The following ARHGAP20 variants were observed in gnomAD, a reference collection of about 807,000 sequenced individuals.
ARHGAP20 encodes rho GTPase-activating protein 20.
A neutral mutation model predicts 73.7 loss-of-function variants in ARHGAP20; 34 were observed. That is an observed-to-expected ratio of 0.46 (90% CI 0.35 to 0.61). The LOEUF is 0.61. Among genes scored for constraint, ARHGAP20 ranks in the 20% least tolerant of loss-of-function variants. The pLI is 0.00. For missense variants in ARHGAP20, 1,314 were observed against 1,420.9 expected, an observed-to-expected ratio of 0.92 and a Z score of 1.21; for synonymous variants, 523 against 518.2, an observed-to-expected ratio of 1.01 and a Z score of -0.13.
chr11:110,702,489 CCT>C (rs1425702941), intron 1 of ARHGAP20, among the ~76,000 whole-genome samples: 1 of 152,068 alleles, frequency 6.6e-6, no homozygotes, highest in African/African-American at 2.4e-5. Flanking sequence ...ACAGGGATGC[CCT>C]CTCTCACCAT....
In ARHGAP20 at chr11:110,667,542, G is replaced by A. The variant is rs1207715240; in HGVS notation, c.188+23005C>T. ...TGATGGAAATGTACAAGGAGATGAAGGTTGTTTTCATGCTGGCTAACAAAA... is the reference window on the plus strand; with the variant it reads ...TGATGGAAATGTACAAGGAGATGAAAGTTGTTTTCATGCTGGCTAACAAAA... On this transcript the variant is annotated intron_variant, in intron 2 of 14. Coordinates refer to ENST00000683387, the MANE Select transcript of ARHGAP20 (RefSeq NM_001384657.1). Among the ~76,000 whole-genome samples, 5 of 152,124 alleles carry A rather than the reference G, an allele frequency of 3.3e-5. No homozygotes were observed. In the East Asian group the frequency reaches 9.6e-4, roughly 29 times the overall value.
chr11:110,584,026 C>A (rs1021713449), intron 12 of ARHGAP20, among the ~76,000 whole-genome samples: 2 of 152,058 alleles, frequency 1.3e-5, no homozygotes, highest in Non-Finnish European at 2.9e-5. Flanking sequence ...AAATATTTCC[C>A]TGAAACTAGC....
At position 110,606,711 on chromosome 11, in the gene ARHGAP20, G is replaced by A; in HGVS notation, c.814C>T (p.Arg272Ter). 1 of 1,582,190 alleles carries A rather than the reference G, an allele frequency of 6.3e-7. No homozygotes were observed. The highest frequency in any genetic ancestry group is 8.6e-7 in the Non-Finnish European group (1 of 1,167,840). The change falls in exon 9 of 15, where the codon CGA becomes TGA. Residue 272 changes from arginine (R) to a stop codon, truncating the protein, a stop_gained. Coordinates refer to ENST00000683387, the MANE Select transcript of ARHGAP20 (RefSeq NM_001384657.1). LOFTEE classifies it high-confidence loss of function. ...YPYGIKMSHL[R>*]DSALLTPGSK... ...CCCGGTGTCAGGAGTGCAGAGTCTC[G>A]AAGATGGCTCATTTTAATTCCATAT...
At chr11:110,584,626 T>C (rs1207997735) in intron 12 of ARHGAP20, among the ~76,000 whole-genome samples, 1 of 152,014 alleles carries the variant, frequency 6.6e-6, no homozygotes, top group Non-Finnish European at 1.5e-5. Context: ...GCATAAGCTT[T>C]TGGGTTTTCT....
At chr11:110,584,178 A>G (rs961957236) in intron 12 of ARHGAP20, among the ~76,000 whole-genome samples, 4 of 152,226 alleles carry the variant, frequency 2.6e-5, no homozygotes, top group Non-Finnish European at 4.4e-5. Flanking sequence ...CTTGGTAAGA[A>G]CCCAAACCTT....
At chr11:110,669,251 A>C (rs1591160305) in intron 2 of ARHGAP20, among the ~76,000 whole-genome samples, 1 of 152,184 alleles carries the variant, frequency 6.6e-6, no homozygotes, top group African/African-American at 2.4e-5. Flanking sequence ...CTGCCAGTAG[A>C]ATTTTCTGAA....
At chr11:110,613,147 T>C (rs1358472725) in intron 6 of ARHGAP20, among the ~76,000 whole-genome samples, 3 of 152,234 alleles carry the variant, frequency 2.0e-5, no homozygotes, top group Admixed American at 6.5e-5. Context: ...ATAGAAAGTA[T>C]ATTTTTTCCT....
intron 2 of ARHGAP20, among the ~76,000 whole-genome samples, chr11:110,657,196 C>A (rs532606080): frequency 6.6e-6 from 1 of 151,862 alleles, no homozygotes; most frequent in Non-Finnish European, 1.5e-5. Flanking sequence ...TTTTCTCAAT[C>A]CTTGGTCCTT....
At chr11:110,582,907 C>T (rs775811580) in intron 13 of ARHGAP20, among the ~76,000 whole-genome samples, 8 of 152,160 alleles carry the variant, frequency 5.3e-5, no homozygotes, top group Non-Finnish European at 8.8e-5. Context: ...ACAGGTCTAT[C>T]CATGTACTGC....
intron 2 of ARHGAP20, among the ~76,000 whole-genome samples, chr11:110,688,846 T>C (rs1950185809): frequency 6.6e-6 from 1 of 152,276 alleles, no homozygotes; most frequent in African/African-American, 2.4e-5. Flanking sequence ...CTAAAGTGTA[T>C]GTCTTCTGGG....
chr11:110,596,999 G>C (rs1257520423), intron 9 of ARHGAP20, among the ~76,000 whole-genome samples: 2 of 152,108 alleles, frequency 1.3e-5, no homozygotes, highest in African/African-American at 4.8e-5. Flanking sequence ...TAGGGACATG[G>C]ATGAAACTGG....
intron 6 of ARHGAP20, among the ~76,000 whole-genome samples, chr11:110,613,415 A>G (rs984236682): frequency 1.3e-5 from 2 of 152,220 alleles, no homozygotes; most frequent in African/African-American, 4.8e-5. Context: ...AGCAAAGGAC[A>G]GAGTACGTCA....
rs997407135 is a variant in ARHGAP20, at chr11:110,623,976, G to T, written c.503+186C>A. 1.6e-4 allele frequency among the ~76,000 whole-genome samples: 25 copies of T among 152,162 alleles called. 1 individual carries two copies. The highest frequency in any genetic ancestry group is 4.1e-4 in the South Asian group (2 of 4,822). Reference sequence around the variant, plus strand: ...AAAAGCCCATTGGGAGAAATACATGGCATACAAGTATTTTGGTTGGGTGTA... The same window carrying T: ...AAAAGCCCATTGGGAGAAATACATGTCATACAAGTATTTTGGTTGGGTGTA... On this transcript the variant is annotated intron_variant, in intron 4 of 14. Transcript: ENST00000683387.
intron 2 of ARHGAP20, among the ~76,000 whole-genome samples, chr11:110,651,438 T>A (rs1332162321): frequency 6.6e-6 from 1 of 151,684 alleles, no homozygotes; most frequent in Non-Finnish European, 1.5e-5. Context: ...ATCCAGGAGC[T>A]GTTTTTTTTT....
intron 2 of ARHGAP20, among the ~76,000 whole-genome samples, chr11:110,648,145 GATATATATAAT>G (rs1949238068): frequency 7.4e-6 from 1 of 134,244 alleles, no homozygotes; most frequent in African/African-American, 2.7e-5. Context: ...CTCGGTCAGT[GATATATATAAT>G]ATATATATAT....
rs757378006 is a variant in ARHGAP20 at position 110,590,719 on chromosome 11, C to T, written c.1234G>A (p.Glu412Lys). The T allele has an allele frequency of 6.2e-7, 1 of 1,613,948 alleles. No individual in the cohort carries two copies. The highest frequency in any genetic ancestry group is 8.5e-7 in the Non-Finnish European group (1 of 1,179,998). The change falls in exon 11 of 15, where the codon GAG (glutamate) becomes AAG (lysine). Residue 412 changes from glutamate to lysine, a missense_variant. By Grantham distance (56) the Glu-to-Lys change is moderately conservative. Transcript: ENST00000683387. ...ANVKSCRELKEKLNSGVEVHL... is the reference protein window; with the variant it reads ...ANVKSCRELKKKLNSGVEVHL... The stretch of plus-strand genomic sequence containing the variant: ...ACTTCGACTCCAGAATTCAATTTCT[C>T]TTTTAGTTCTCTGCAGGATTTCACA...
intron 2 of ARHGAP20, among the ~76,000 whole-genome samples, chr11:110,638,782 T>C (rs1949020461): frequency 1.3e-5 from 2 of 151,808 alleles, no homozygotes; most frequent in African/African-American, 4.8e-5. Flanking sequence ...TTCTCACTCA[T>C]AGGTGGGAAC....
intron 3 of ARHGAP20, among the ~76,000 whole-genome samples, chr11:110,625,020 A>ATT (rs1565445251): frequency 2.4e-4 from 30 of 125,156 alleles, no homozygotes; most frequent in African/African-American, 8.1e-4. Flanking sequence ...TTTTTTTTTT[A>ATT]TTTTTATTTT....
chr11:110,711,975 G>A (rs1950670629), intron 1 of ARHGAP20, 152 bp downstream of exon 1: 2 of 1,253,982 alleles, frequency 1.6e-6, no homozygotes, highest in Non-Finnish European at 2.0e-6. Flanking sequence ...AGGGCGGGAA[G>A]TGTTCTGGGA....
Sources: gnomAD v4.1 joint callset for allele counts (sites outside exome capture counted in the v4.1 genomes callset) on GRCh38, gnomAD v4.1.1 for gene constraint, MANE v1.5 for transcripts, NCBI Gene and HGNC (gene_info 2026-07-23, HGNC 2026-07-21) for gene names.